Variants in PAM observed in about 807,000 individuals in gnomAD.
The protein encoded by PAM is peptidylglycine alpha-amidating monooxygenase, also known as peptidyl-glycine alpha-amidating monooxygenase.
In PAM, 72 loss-of-function variants were observed where a neutral mutation model predicts 122.1. That is an observed-to-expected ratio of 0.59 (90% CI 0.49 to 0.72). The LOEUF is 0.72. Among genes scored for constraint, PAM ranks in the 30% least tolerant of loss-of-function variants. PAM has a pLI of 0.00. For missense variants in PAM, 1,106 were observed against 1,183.7 expected, an observed-to-expected ratio of 0.93 and a Z score of 0.96; for synonymous variants, 389 against 404.4, an observed-to-expected ratio of 0.96 and a Z score of 0.46.
intron 1 of PAM, among the ~76,000 whole-genome samples, chr5:102,779,426 G>A (rs1223216136): frequency 1.3e-5 from 2 of 152,094 alleles, no homozygotes; most frequent in Non-Finnish European, 2.9e-5. Context: ...ATGTGTGACA[G>A]CTACAAATGC....
chr5:102,884,993 C>T (rs954351842), intron 3 of PAM, among the ~76,000 whole-genome samples: 1 of 151,648 alleles, frequency 6.6e-6, no homozygotes, highest in African/African-American at 2.4e-5. Context: ...TTACAAAGGG[C>T]AAATGATGTT....
intron 3 of PAM, among the ~76,000 whole-genome samples, chr5:102,872,862 C>T (rs981652918): frequency 1.3e-5 from 2 of 151,980 alleles, no homozygotes; most frequent in South Asian, 2.1e-4. Context: ...AAAAGATGTA[C>T]GTATCCTCAG....
At chr5:103,013,596 T>G (rs965488751) in intron 21 of PAM, among the ~76,000 whole-genome samples, 6 of 152,212 alleles carry the variant, frequency 3.9e-5, no homozygotes, top group African/African-American at 1.4e-4. Flanking sequence ...AGTACTATGT[T>G]GAGTAACGGT....
At chr5:102,942,700 G>C (rs558453563) in intron 7 of PAM, among the ~76,000 whole-genome samples, 7 of 150,940 alleles carry the variant, frequency 4.6e-5, no homozygotes, top group African/African-American at 1.7e-4. Context: ...CTCACAAGTA[G>C]CTGGGGCTAC....
chr5:102,946,548 T>C (rs1757108321), intron 7 of PAM, among the ~76,000 whole-genome samples: 1 of 148,738 alleles, frequency 6.7e-6, no homozygotes, highest in Admixed American at 6.8e-5. Flanking sequence ...TATTAACAAC[T>C]TTCTAGTATC....
chr5:102,977,961 C>T lies in PAM; in HGVS notation c.1483+3525C>T, dbSNP rs1582456103. 2.6e-5 allele frequency among the ~76,000 whole-genome samples: 4 copies of T among 152,068 alleles called. No homozygotes were observed. The South Asian group carries it at 8.3e-4, about 32-fold the overall frequency. On this transcript the variant is annotated intron_variant, in intron 15 of 25. Coordinates refer to ENST00000438793, the MANE Select transcript of PAM (RefSeq NM_001177306.2). ...CAAGTGAGGGTCAAATGATATTATA[C>T]ATGCAAAGTGCTTTGAACAGTGTCG...
intron 1 of PAM, among the ~76,000 whole-genome samples, chr5:102,770,758 G>A (rs1009796849): frequency 6.6e-6 from 1 of 151,804 alleles, no homozygotes; most frequent in African/African-American, 2.4e-5. Flanking sequence ...TTATTTTGTT[G>A]AGGATTTTTG....
chr5:102,985,991 T>G (rs1486933308), intron 15 of PAM, among the ~76,000 whole-genome samples: 1 of 152,140 alleles, frequency 6.6e-6, no homozygotes, highest in Non-Finnish European at 1.5e-5. Flanking sequence ...AACCATATGA[T>G]CATATCAATA....
chr5:102,780,823 CTTT>C (rs1758692737), intron 1 of PAM, among the ~76,000 whole-genome samples: 1 of 116,296 alleles, frequency 8.6e-6, no homozygotes, highest in Non-Finnish European at 1.9e-5. Context: ...TTCTTTCTTT[CTTT>C]CTTTCTTTCT....
intron 16 of PAM, among the ~76,000 whole-genome samples, chr5:102,991,203 G>A (rs1773968569): frequency 6.6e-6 from 1 of 152,120 alleles, no homozygotes; most frequent in Admixed American, 6.6e-5. Context: ...TAACTCCAGA[G>A]TTGGCCCACT....
chr5:103,017,572 C>T, intron 22 of PAM, 139 bp downstream of exon 22: 1 of 614,840 alleles, frequency 1.6e-6, no homozygotes, highest in Non-Finnish European at 2.9e-6. Context: ...TGTTAAAAGA[C>T]CTATTTGGTG....
chr5:102,841,628 T>A (rs1379268580), intron 1 of PAM, among the ~76,000 whole-genome samples: 1 of 152,186 alleles, frequency 6.6e-6, no homozygotes, highest in Non-Finnish European at 1.5e-5. Context: ...GTTATAACTT[T>A]ACAGATGAAC....
At chr5:103,030,521 G>C (rs1055809882), downstream of PAM, 1 of 152,102 alleles carries the variant, frequency 6.6e-6, no homozygotes, top group African/African-American at 2.4e-5. Context: ...ATTTGGAAAC[G>C]GTAAGTCTGC....
At chr5:102,866,388 C>T (rs530654575) in intron 2 of PAM, 104 bp downstream of exon 2, 2 of 754,448 alleles carry the variant, frequency 2.7e-6, no homozygotes, top group Middle Eastern at 2.3e-4. Flanking sequence ...ATGTTCTTTG[C>T]TGGAATGACT....
intron 1 of PAM, among the ~76,000 whole-genome samples, chr5:102,853,226 C>A (rs1158162554): frequency 6.6e-6 from 1 of 152,092 alleles, no homozygotes; most frequent in Non-Finnish European, 1.5e-5. Flanking sequence ...ATTGATTATT[C>A]CCTTGGAATA....
At chr5:102,970,411 C>T (rs1000300238) in intron 14 of PAM, among the ~76,000 whole-genome samples, 1 of 152,064 alleles carries the variant, frequency 6.6e-6, no homozygotes, top group African/African-American at 2.4e-5. Flanking sequence ...TTCTTTTGGA[C>T]AGTGTTGGAG....
intron 5 of PAM, 128 bp from the exon 6 acceptor site, chr5:102,924,829 T>C (rs1748854794): frequency 1.6e-6 from 1 of 615,014 alleles, no homozygotes; most frequent in South Asian, 2.2e-5. Flanking sequence ...AAAGCTAATA[T>C]CATGCAATGA....
chr5:102,959,994 C>A lies in PAM; in HGVS notation c.1025C>A (p.Pro342Gln). 6.2e-7 allele frequency: 1 copy of A among 1,612,042 alleles called. No individual in the cohort carries two copies. Among genetic ancestry groups the A allele is most frequent in the African/African-American group, 1.3e-5 (1 of 74,928 alleles). ...GCTCCAGATATGTTCAGAACCATAC[C>A]ACCAGAGGCCAACATTCCAATTCCC... ...NVAPDMFRTI[P>Q]PEANIPIPVK... The change falls in exon 13 of 26, where the codon CCA becomes CAA. Residue 342 changes from proline to glutamine, a missense_variant. By Grantham distance (76) the Pro-to-Gln change is moderately conservative. Coordinates refer to ENST00000438793, the MANE Select transcript of PAM (RefSeq NM_001177306.2).
chr5:102,775,355 G>A (rs1030581124), intron 1 of PAM, among the ~76,000 whole-genome samples: 2 of 151,782 alleles, frequency 1.3e-5, no homozygotes, highest in Non-Finnish European at 2.9e-5. Flanking sequence ...TTAATTTTAA[G>A]TTCTGGGATA....
Sources: gnomAD v4.1 joint callset for allele counts (sites outside exome capture counted in the v4.1 genomes callset) on GRCh38, gnomAD v4.1.1 for gene constraint, MANE v1.5 for transcripts, NCBI Gene and HGNC (gene_info 2026-07-23, HGNC 2026-07-21) for gene names.